STX4: variants seen among roughly 807,000 people sequenced by gnomAD.
STX4 encodes syntaxin 4.
A neutral mutation model predicts 41.8 loss-of-function variants in STX4; 24 were observed. The observed-to-expected ratio is 0.57, with a 90% CI of 0.42 to 0.81. The LOEUF (loss-of-function observed/expected upper bound fraction) is 0.81, where lower values mean the gene tolerates loss of function less well. Among genes scored for constraint, STX4 ranks in the 30% least tolerant of loss-of-function variants. STX4 has a pLI of 0.00. For synonymous variants in STX4, 158 were observed against 156.4 expected, an observed-to-expected ratio of 1.01 and a Z score of -0.08; for missense variants, 316 against 389.9, an observed-to-expected ratio of 0.81 and a Z score of 1.60.
upstream of STX4, chr16:31,033,463 G>A (rs1437405068): frequency 1.3e-6 from 2 of 1,548,376 alleles, no homozygotes; most frequent in African/African-American, 1.4e-5. The surrounding 1 kb of genome is among the most constrained non-coding windows in gnomAD (Gnocchi z 5.5). Flanking sequence ...GCTTCCGCTC[G>A]GGGCGCAACA....
chr16:31,037,671 T>TAATA (rs201361011), intron 5 of STX4, among the ~76,000 whole-genome samples: 31,051 of 143,420 alleles, frequency 0.22, 3,649 homozygotes, highest in East Asian at 0.45. Context: ...AAAAAACAAA[T>TAATA]AATAAATAAA....
Position 31,039,482 on chromosome 16 carries a change from C to T in STX4, c.703-59C>T. ...CCTGCCAGGAATGTTCTTCAGTCAT[C>T]TGGGGTGGGGTGGGCAAAGGCATCC... On this transcript the variant is annotated intron_variant, in intron 8 of 10. Transcript: ENST00000313843. This position sits in a 1 kb window ranked among gnomAD's most constrained non-coding sequence, Gnocchi z 4.1. 1 of 1,548,374 alleles carries T rather than the reference C, an allele frequency of 6.5e-7. No homozygotes were observed. The highest frequency in any genetic ancestry group is 8.9e-7 in the Non-Finnish European group (1 of 1,126,942).
At chr16:31,034,604 G>C in intron 4 of STX4, 68 bp downstream of exon 4, 1 of 1,458,922 alleles carries the variant, frequency 6.9e-7, no homozygotes, top group East Asian at 2.5e-5. Context: ...TATCTGGGGA[G>C]TGTGTGGCCC....
intron 3 of STX4, 49 bp downstream of exon 3, chr16:31,034,374 G>T: frequency 6.2e-7 from 1 of 1,612,002 alleles, no homozygotes; most frequent in Non-Finnish European, 8.5e-7. Context: ...CAGGGATTGT[G>T]GGGGTTGTAG....
rs1596734510 is a variant in STX4, at chr16:31,034,214, C to T, written c.133-12C>T. 1.2e-6 allele frequency: 2 copies of T among 1,614,058 alleles called. No homozygotes were observed. Among genetic ancestry groups the T allele is most frequent in the East Asian group, 2.2e-5 (1 of 44,878 alleles). On this transcript the variant is annotated splice_polypyrimidine_tract_variant and intron_variant, in intron 2 of 10. Transcript: ENST00000313843. ...CCATATCTCTTTCAGCCCTCTCGGT[C>T]ACCCTCCCCAGGTCCGGACAATTCG...
intron 5 of STX4, among the ~76,000 whole-genome samples, chr16:31,037,054 A>C (rs866066399): frequency 0.012 from 1,163 of 100,874 alleles, 3 homozygotes; most frequent in Admixed American, 0.026. Flanking sequence ...ATATAGTGAG[A>C]CCCCCCCCCC....
In STX4 at chr16:31,033,763, G is replaced by A. The variant is rs1159244459; in HGVS notation, c.-43G>A. ...GGGGTACGGGAATTCCAAATTTGAG[G>A]GCCTCCCGGCTCTGGCGCCGGGGAG... On this transcript the variant is annotated 5_prime_UTR_variant, in exon 1 of 11. Transcript: ENST00000313843. The surrounding 1 kb of genome is among the most constrained non-coding windows in gnomAD (Gnocchi z 5.5). The A allele has an allele frequency of 6.9e-7, 1 of 1,450,556 alleles. No individual in the cohort carries two copies. Among genetic ancestry groups the A allele is most frequent in the Non-Finnish European group, 9.1e-7 (1 of 1,099,672 alleles). 89.9% of individuals were successfully genotyped at this position (1,450,556 alleles called of 1,614,324 possible). A position where few individuals can be genotyped will look rare whatever the true frequency, so the allele number is the denominator to read the frequency against.
rs140610940 is a variant in STX4, at chr16:31,035,014, G to A, written c.352G>A (p.Val118Ile). Residue 118 changes from valine to isoleucine, a missense_variant, in exon 5 of 11, where the codon GTC (valine) becomes ATC (isoleucine). Physicochemically the swap from Val to Ile is conservative, Grantham distance 29. Coordinates refer to ENST00000313843, the MANE Select transcript of STX4 (RefSeq NM_004604.5). ...GGAAGCTGATGAGAACTATAACTCC[G>A]TCAACACAAGAATGAGAAAAACCCA... ...KEEADENYNS[V>I]NTRMRKTQHG... The A allele has an allele frequency of 4.0e-5, 64 of 1,610,446 alleles. No individual in the cohort carries two copies. Among genetic ancestry groups the A allele is most frequent in the Middle Eastern group, 1.7e-4 (1 of 6,050 alleles).
In STX4 at chr16:31,038,136, T is replaced by C; in HGVS notation, c.510T>C (p.Asp170=). The C allele has an allele frequency of 2.5e-6, 4 of 1,614,098 alleles. No individual in the cohort carries two copies. The South Asian group carries it at 4.4e-5, about 18-fold the overall frequency. Reference sequence around the variant, plus strand: ...CAGCCAATGCTGGGATGGTGTCTGATGAGGAGTTGGAGCAGATGCTGGACA... The same window carrying C: ...CAGCCAATGCTGGGATGGTGTCTGACGAGGAGTTGGAGCAGATGCTGGACA... The part of the protein sequence containing the change: ...LKITNAGMVS[D]EELEQMLDSG... Residue 170 remains aspartate, a synonymous_variant, in exon 7 of 11, where the codon GAT becomes GAC. Coordinates refer to ENST00000313843, the MANE Select transcript of STX4 (RefSeq NM_004604.5).
chr16:31,039,710 T>C lies in STX4; in HGVS notation c.814-13T>C. The stretch of plus-strand genomic sequence containing the variant: ...ACCCTGTGTGACTTCCCTGACCCCC[T>C]CCTCTCCCACAGAAGAAAGTCTTGA... On this transcript the variant is annotated splice_polypyrimidine_tract_variant and intron_variant, in intron 9 of 10. Transcript: ENST00000313843. The surrounding 1 kb of genome is among the most constrained non-coding windows in gnomAD (Gnocchi z 4.1). 6.2e-7 allele frequency: 1 copy of C among 1,614,074 alleles called. No homozygotes were observed. The highest frequency in any genetic ancestry group is 8.5e-7 in the Non-Finnish European group (1 of 1,179,994).
At chr16:31,037,873 C>T (rs904201612) in intron 5 of STX4, 53 bp from the exon 6 acceptor site, 39 of 1,600,180 alleles carry the variant, frequency 2.4e-5, no homozygotes, top group African/African-American at 6.7e-5. Flanking sequence ...GCCGAGGCAC[C>T]GACCGGGCAG....
Position 31,033,668 on chromosome 16 carries a change from C to CG in STX4, c.-136dup. 2.1e-6 allele frequency: 3 copies of CG among 1,442,586 alleles called. No homozygotes were observed. The highest frequency in any genetic ancestry group is 2.7e-6 in the Non-Finnish European group (3 of 1,099,902). The allele number at this position is 1,442,586 out of a possible 1,614,324, so 89.4% of individuals were successfully genotyped here. On this transcript the variant is annotated 5_prime_UTR_variant, in exon 1 of 11. Coordinates refer to ENST00000313843, the MANE Select transcript of STX4 (RefSeq NM_004604.5). The surrounding 1 kb of genome is among the most constrained non-coding windows in gnomAD (Gnocchi z 5.5). ...CATTGACTGTGGGCGGTGCAAGGGA[C>CG]GGAGCCTCTGGCGGCTCGTGGGGGT...
chr16:31,037,110 C>T (rs1385083234), intron 5 of STX4, among the ~76,000 whole-genome samples: 1 of 142,010 alleles, frequency 7.0e-6, no homozygotes, highest in Non-Finnish European at 1.5e-5. Flanking sequence ...GTTGCCCAGG[C>T]TGGAGTACAG....
At chr16:31,037,785 T>G (rs1451974790) in intron 5 of STX4, 141 bp from the exon 6 acceptor site, 2 of 739,282 alleles carry the variant, frequency 2.7e-6, no homozygotes, top group Admixed American at 4.7e-5. Flanking sequence ...GGGGAGCCTG[T>G]CAAGGTCATC....
rs565199561 is a variant in STX4, at chr16:31,038,615, T to C, written c.670T>C (p.Phe224Leu). The change falls in exon 8 of 11, where the codon TTC becomes CTC. Residue 224 changes from phenylalanine (F) to leucine (L), a missense_variant. Transcript: ENST00000313843. ...ERSIRELHDIFTFLATEVEMQ... is the reference protein window; with the variant it reads ...ERSIRELHDILTFLATEVEMQ... ...CAGTATTCGTGAGCTGCACGACATATTCACTTTTCTGGCTACCGAAGTGGA... is the reference window on the plus strand; with the variant it reads ...CAGTATTCGTGAGCTGCACGACATACTCACTTTTCTGGCTACCGAAGTGGA... The C allele has an allele frequency of 8.4e-5, 135 of 1,614,098 alleles. 3 individuals carry two copies. The highest frequency in any genetic ancestry group is 6.6e-4 in the South Asian group (60 of 91,066).
In STX4 at chr16:31,039,762, G is replaced by A. The variant is rs149552887; in HGVS notation, c.853G>A (p.Val285Ile). 45 of 1,614,062 alleles carry A rather than the reference G, an allele frequency of 2.8e-5. No individual in the cohort carries two copies. The highest frequency in any genetic ancestry group is 3.4e-5 in the Non-Finnish European group (40 of 1,180,050). The stretch of plus-strand genomic sequence containing the variant: ...TGCCATCTGTGTGTCCATCACCGTC[G>A]TCCTCCTAGCAGTCATCATTGGCGT... Reference protein sequence around the residue: ...LIAICVSITVVLLAVIIGVTV... With the variant: ...LIAICVSITVILLAVIIGVTV... Residue 285 changes from valine (V) to isoleucine (I), a missense_variant, in exon 10 of 11, where the codon GTC becomes ATC. Physicochemically the swap from Val to Ile is conservative, Grantham distance 29. Transcript: ENST00000313843. The surrounding 1 kb of genome is among the most constrained non-coding windows in gnomAD (Gnocchi z 4.1).
At position 31,039,842 on chromosome 16, in the gene STX4, T is replaced by C. The variant is rs1248094739; in HGVS notation, c.*15+24T>C. 5 of 1,607,694 alleles carry C rather than the reference T, an allele frequency of 3.1e-6. No individual in the cohort carries two copies. The East Asian group carries it at 1.1e-4, about 36-fold the overall frequency. On this transcript the variant is annotated intron_variant, in intron 10 of 10. Transcript: ENST00000313843. This position sits in a 1 kb window ranked among gnomAD's most constrained non-coding sequence, Gnocchi z 4.1. ...TGGTGAGATGTTGTGGGCTGCCCCC[T>C]GGCCTGCCCCAGCCCTGGCCCCAGC...
rs2056817310 is a variant in STX4, at chr16:31,038,135, A to T, written c.509A>T (p.Asp170Val). The change falls in exon 7 of 11, where the codon GAT (aspartate) becomes GTT (valine). Residue 170 changes from aspartate to valine, a missense_variant. Transcript: ENST00000313843. ...ACAGCCAATGCTGGGATGGTGTCTG[A>T]TGAGGAGTTGGAGCAGATGCTGGAC... ...LKITNAGMVS[D>V]EELEQMLDSG... is the part of the protein sequence containing the mutation. The T allele has an allele frequency of 6.2e-7, 1 of 1,614,108 alleles. No homozygotes were observed.
At chr16:31,034,579 G>T in intron 4 of STX4, 43 bp downstream of exon 4, 1 of 1,511,880 alleles carries the variant, frequency 6.6e-7, no homozygotes, top group Non-Finnish European at 8.8e-7. Context: ...CTCTGATCCT[G>T]CCCTGTTGTT....
Sources: allele counts gnomAD v4.1 joint callset (sites outside exome capture counted in the v4.1 genomes callset), GRCh38; gene constraint gnomAD v4.1.1; non-coding constraint Gnocchi (gnomAD v3.1); transcripts MANE v1.5; gene names NCBI Gene and HGNC (gene_info 2026-07-23, HGNC 2026-07-21).